Variants in NDRG4 observed in about 807,000 individuals in gnomAD.
NDRG4 encodes the protein protein NDRG4.
Under a neutral mutation model 55.8 loss-of-function variants are expected in NDRG4, and 38 were observed. That is an observed-to-expected ratio of 0.68 (90% confidence interval 0.53 to 0.89). The LOEUF (loss-of-function observed/expected upper bound fraction) is 0.89, where lower values mean the gene tolerates loss of function less well. NDRG4 is among the 40% of genes least tolerant of loss of function. The probability of loss-of-function intolerance (pLI) is 0.00; values close to 1 mark genes in which losing one functional copy is unlikely to be tolerated. For synonymous variants in NDRG4, 190 were observed against 182.7 expected, an observed-to-expected ratio of 1.04 and a Z score of -0.32; for missense variants, 455 against 468.6, an observed-to-expected ratio of 0.97 and a Z score of 0.27.
At chr16:58,506,685 C>A in intron 7 of NDRG4, 71 bp downstream of exon 7, 1 of 1,500,356 alleles carries the variant, frequency 6.7e-7, no homozygotes, top group Non-Finnish European at 9.0e-7. Context: ...CGGTAGGAGG[C>A]AGGCGGGTGT....
intron 1 of NDRG4, 24 bp from the exon 2 acceptor site, chr16:58,503,774 T>C: frequency 6.2e-7 from 1 of 1,613,476 alleles, no homozygotes. Flanking sequence ...GCCCAGAGTG[T>C]CCAGCACGGT....
At chr16:58,487,905 C>A in intron 2 of NDRG4, 1 of 1,347,474 alleles carries the variant, frequency 7.4e-7, no homozygotes, top group Non-Finnish European at 1.0e-6. Flanking sequence ...ACCTCGTGGC[C>A]AAGAGGGAGA....
chr16:58,487,097 G>A (rs1597162459), intron 1 of NDRG4, among the ~76,000 whole-genome samples: 2 of 152,254 alleles, frequency 1.3e-5, no homozygotes, highest in East Asian at 1.9e-4. Context: ...TTCTGTCTGC[G>A]TCTGACCCTG....
intron 2 of NDRG4, among the ~76,000 whole-genome samples, chr16:58,492,193 G>A (rs2035860879): frequency 6.6e-6 from 1 of 152,134 alleles, no homozygotes; most frequent in Admixed American, 6.6e-5. Context: ...CACTGCTGGA[G>A]CCTGGCTTTT....
chr16:58,481,262 G>A (rs1205024655), intron 1 of NDRG4, among the ~76,000 whole-genome samples: 1 of 152,108 alleles, frequency 6.6e-6, no homozygotes, highest in East Asian at 1.9e-4. Context: ...TTAATATTAA[G>A]GATTGTTTTT....
At chr16:58,500,782 G>A (rs1027526604) in intron 1 of NDRG4, 12 of 416,872 alleles carry the variant, frequency 2.9e-5, no homozygotes, top group African/African-American at 1.0e-4. Flanking sequence ...GTGGGCGGCC[G>A]TCTAGCTTGT....
At chr16:58,496,466 T>G (rs2036424439), upstream of NDRG4, among the ~76,000 whole-genome samples, 1 of 152,136 alleles carries the variant, frequency 6.6e-6, no homozygotes. Context: ...ATGGTCGTTA[T>G]CTGGGCCAAG....
chr16:58,503,697 C>G (rs1024971161), intron 1 of NDRG4, 101 bp from the exon 2 acceptor site: 6 of 1,563,490 alleles, frequency 3.8e-6, no homozygotes, highest in Non-Finnish European at 4.3e-6. Flanking sequence ...AGTAGGGGCT[C>G]TACCACAGGC....
intron 1 of NDRG4, 118 bp downstream of exon 1, chr16:58,500,387 T>G (rs2036925427): frequency 7.3e-7 from 1 of 1,362,904 alleles, no homozygotes; most frequent in Non-Finnish European, 9.9e-7. Flanking sequence ...GGCCTTCAAA[T>G]AGCCTCACCC....
intron 2 of NDRG4, among the ~76,000 whole-genome samples, chr16:58,494,805 C>G (rs951213931): frequency 7.0e-6 from 1 of 142,960 alleles, no homozygotes; most frequent in African/African-American, 2.6e-5. Flanking sequence ...GCACTCCAGC[C>G]TGGGTGATAG....
intron 2 of NDRG4, among the ~76,000 whole-genome samples, chr16:58,488,893 T>C (rs539536686): frequency 1.3e-5 from 2 of 152,306 alleles, no homozygotes; most frequent in South Asian, 4.1e-4. Flanking sequence ...AAGCCCTTTA[T>C]TCTAAGTTTA....
chr16:58,500,486 C>A, intron 1 of NDRG4: 1 of 552,250 alleles, frequency 1.8e-6, no homozygotes, highest in Non-Finnish European at 3.0e-6. Flanking sequence ...AGTCAGAGCC[C>A]ATAGCAGGGG....
chr16:58,504,718 T>C (rs1358003148), intron 5 of NDRG4, 69 bp downstream of exon 5: 1 of 1,561,568 alleles, frequency 6.4e-7, no homozygotes, highest in East Asian at 2.2e-5. Context: ...TGGTGGGGAC[T>C]GGGGGGAACC....
rs1413983105 is a variant in NDRG4 at position 58,467,784 on chromosome 16, G to A, written c.-24+3987G>A. Among the ~76,000 whole-genome samples the A allele has an allele frequency of 2.6e-5, 4 of 152,162 alleles. No homozygotes were observed. In the South Asian group the frequency reaches 8.3e-4, roughly 32 times the overall value. On this transcript the variant is annotated intron_variant, in intron 1 of 15. Transcript: ENST00000258187. ...CCTGGCTGGGATCTTTGGAGATTAG[G>A]TGTGTGAGCGTGTGCAAGACGTCGA...
intron 2 of NDRG4, among the ~76,000 whole-genome samples, chr16:58,493,937 G>T (rs994115065): frequency 6.6e-6 from 1 of 152,146 alleles, no homozygotes; most frequent in Non-Finnish European, 1.5e-5. Flanking sequence ...CCAGGCCCCC[G>T]CAGAGTGTCT....
chr16:58,477,682 G>GA (rs202141495), intron 1 of NDRG4, among the ~76,000 whole-genome samples: 3,792 of 127,406 alleles, frequency 0.03, 160 homozygotes, highest in African/African-American at 0.1. Flanking sequence ...TCCTCAGCAG[G>GA]AAAAAAAAAA....
Position 58,511,616 on chromosome 16 carries a change from A to AC in NDRG4, c.*42dup. On this transcript the variant is annotated 3_prime_UTR_variant, in exon 15 of 15. Transcript: ENST00000570248. The stretch of plus-strand genomic sequence containing the variant: ...CTGACGACGCCCACGTCGAGGCCCC[A>AC]CCGCCATCCTTGCGCCGGCTCATGT... 1 of 1,612,164 alleles carries AC rather than the reference A, an allele frequency of 6.2e-7. No homozygotes were observed. Among genetic ancestry groups the AC allele is most frequent in the Non-Finnish European group, 8.5e-7 (1 of 1,179,320 alleles).
intron 1 of NDRG4, among the ~76,000 whole-genome samples, chr16:58,486,405 C>T (rs1169303410): frequency 3.3e-5 from 5 of 151,660 alleles, no homozygotes; most frequent in Admixed American, 6.6e-5. Context: ...AGCACTCCTC[C>T]GGCCTCAGCC....
intron 1 of NDRG4, chr16:58,501,019 TGGC>T: frequency 8.0e-7 from 1 of 1,245,928 alleles, no homozygotes; most frequent in Non-Finnish European, 1.0e-6. Context: ...GCCGTGAAGC[TGGC>T]AGGGCTAGGG....
Sources: allele counts gnomAD v4.1 joint callset (sites outside exome capture counted in the v4.1 genomes callset), GRCh38; gene constraint gnomAD v4.1.1; transcripts MANE v1.5; gene names NCBI Gene and HGNC (gene_info 2026-07-23, HGNC 2026-07-21).